WWOX: variants seen among roughly 807,000 people sequenced by gnomAD.
The protein encoded by WWOX is WW domain containing oxidoreductase.
WWOX carries 69 observed loss-of-function variants against 46.2 expected under a neutral mutation model. That is an observed-to-expected ratio of 1.49 (90% CI 1.23 to 1.82). The LOEUF is 1.82. WWOX is among the 40% of genes most tolerant of loss of function. WWOX has a pLI of 0.00. For missense variants in WWOX, 919 were observed against 542.6 expected (o/e 1.69, Z -6.89); for synonymous variants, 359 against 202.6 (o/e 1.77, Z -6.56).
At chr16:78,370,811 C>A (rs111783576) in intron 5 of WWOX, among the ~76,000 whole-genome samples, 5,246 of 117,486 alleles carry the variant, frequency 0.045, 345 homozygotes, top group African/African-American at 0.15. Flanking sequence ...GCAATGCATT[C>A]TTAACCCCCT....
chr16:78,467,474 A>G (rs898864735), intron 8 of WWOX, among the ~76,000 whole-genome samples: 4 of 152,208 alleles, frequency 2.6e-5, no homozygotes, highest in African/African-American at 9.6e-5. Context: ...GGCAGGATCA[A>G]AGGACCTCTT....
At chr16:78,403,824 T>G (rs1361204364) in intron 6 of WWOX, among the ~76,000 whole-genome samples, 1 of 152,232 alleles carries the variant, frequency 6.6e-6, no homozygotes, top group Non-Finnish European at 1.5e-5. Flanking sequence ...CACTCAAGTT[T>G]CCTGGATACT....
chr16:78,954,249 A>G (rs1468093543), intron 8 of WWOX, among the ~76,000 whole-genome samples: 1 of 151,594 alleles, frequency 6.6e-6, no homozygotes, highest in African/African-American at 2.4e-5. Flanking sequence ...TGGATGGATG[A>G]TGGTTGAGTG....
At chr16:79,059,918 C>T (rs1158764579) in intron 8 of WWOX, among the ~76,000 whole-genome samples, 2 of 152,180 alleles carry the variant, frequency 1.3e-5, no homozygotes, top group African/African-American at 4.8e-5. Flanking sequence ...TTCTTTTTTT[C>T]CTCCAGAAAT....
At chr16:78,400,841 C>G (rs146592997) in intron 6 of WWOX, among the ~76,000 whole-genome samples, 1 of 152,200 alleles carries the variant, frequency 6.6e-6, no homozygotes, top group Non-Finnish European at 1.5e-5. Context: ...TTACTTGTTT[C>G]TGAGATAGGG....
At chr16:78,362,890 A>G (rs1336846675) in intron 5 of WWOX, among the ~76,000 whole-genome samples, 1 of 152,182 alleles carries the variant, frequency 6.6e-6, no homozygotes, top group Non-Finnish European at 1.5e-5. Flanking sequence ...CTAAATGCGT[A>G]AAGGAGGTGG....
intron 8 of WWOX, among the ~76,000 whole-genome samples, chr16:79,061,453 C>T (rs977557749): frequency 1.3e-5 from 2 of 152,212 alleles, no homozygotes; most frequent in African/African-American, 2.4e-5. Flanking sequence ...GCACTTGGCA[C>T]TCTGGGTGTA....
intron 8 of WWOX, among the ~76,000 whole-genome samples, chr16:78,774,980 G>T (rs977550025): frequency 6.6e-6 from 1 of 152,150 alleles, no homozygotes; most frequent in Non-Finnish European, 1.5e-5. Flanking sequence ...TCGAAGAGGG[G>T]CTGCAGGTAG....
intron 8 of WWOX, among the ~76,000 whole-genome samples, chr16:79,060,200 G>T (rs922945375): frequency 2.0e-5 from 3 of 152,156 alleles, no homozygotes; most frequent in African/African-American, 7.2e-5. Context: ...CATTTTTCTT[G>T]CTAATTTATT....
At chr16:78,458,180 C>G (rs1330568250) in intron 8 of WWOX, among the ~76,000 whole-genome samples, 1 of 151,572 alleles carries the variant, frequency 6.6e-6, no homozygotes, top group Non-Finnish European at 1.5e-5. Flanking sequence ...TTTTGTCGAA[C>G]TTGCCCTACA....
At chr16:78,929,452 T>C (rs2045571827) in intron 8 of WWOX, among the ~76,000 whole-genome samples, 2 of 152,154 alleles carry the variant, frequency 1.3e-5, no homozygotes, top group South Asian at 4.1e-4. Context: ...AACTGCTATA[T>C]AACACTGCTT....
intron 8 of WWOX, among the ~76,000 whole-genome samples, chr16:78,533,824 C>T (rs1402903505): frequency 6.6e-6 from 1 of 152,308 alleles, no homozygotes; most frequent in African/African-American, 2.4e-5. Flanking sequence ...CTCGTCCTCG[C>T]CCTCAGCATA....
chr16:78,367,248 G>C (rs2081557242), intron 5 of WWOX, among the ~76,000 whole-genome samples: 1 of 152,046 alleles, frequency 6.6e-6, no homozygotes, highest in African/African-American at 2.4e-5. Context: ...CAAAGTGCTG[G>C]GATTACAGGC....
chr16:78,922,935 C>A (rs991767834), intron 8 of WWOX, among the ~76,000 whole-genome samples: 8 of 150,880 alleles, frequency 5.3e-5, no homozygotes, highest in African/African-American at 1.9e-4. Flanking sequence ...AATCTAACAT[C>A]TTTAGATAAA....
At chr16:78,469,453 C>T (rs895990608) in intron 8 of WWOX, among the ~76,000 whole-genome samples, 1 of 152,132 alleles carries the variant, frequency 6.6e-6, no homozygotes, top group African/African-American at 2.4e-5. Flanking sequence ...GACTAGTGTT[C>T]TGAAACAGAG....
chr16:78,857,146 C>G (rs901840676), intron 8 of WWOX, among the ~76,000 whole-genome samples: 1 of 152,184 alleles, frequency 6.6e-6, no homozygotes, highest in Non-Finnish European at 1.5e-5. Flanking sequence ...AATAATTTAT[C>G]TCACATATGC....
chr16:78,881,247 A>G (rs944464984), intron 8 of WWOX, among the ~76,000 whole-genome samples: 31 of 152,092 alleles, frequency 2.0e-4, no homozygotes, highest in Admixed American at 6.5e-4. Context: ...CAAGCGATTC[A>G]CGTGCCTCAG....
At chr16:78,591,262 C>CA (rs2045344577) in intron 8 of WWOX, among the ~76,000 whole-genome samples, 1 of 152,136 alleles carries the variant, frequency 6.6e-6, no homozygotes, top group South Asian at 2.1e-4. Context: ...AACAAGGGAA[C>CA]CTTTCCCCAA....
intron 5 of WWOX, among the ~76,000 whole-genome samples, chr16:78,381,875 C>T (rs1235599801): frequency 6.6e-6 from 1 of 151,844 alleles, no homozygotes; most frequent in African/African-American, 2.4e-5. Context: ...TTTTTCTTTT[C>T]CTTTTTTACT....
Sources: gnomAD v4.1 joint callset for allele counts (sites outside exome capture counted in the v4.1 genomes callset) on GRCh38, gnomAD v4.1.1 for gene constraint, MANE v1.5 for transcripts, NCBI Gene and HGNC (gene_info 2026-07-23, HGNC 2026-07-21) for gene names.